The following DCC variants were observed in gnomAD, a reference collection of about 807,000 sequenced individuals.
DCC encodes netrin receptor DCC.
DCC carries 58 observed loss-of-function variants against 172.5 expected under a neutral mutation model. The ratio of observed to expected loss-of-function variants is 0.34; its 90% confidence interval spans 0.27 to 0.42. DCC has a LOEUF of 0.42. DCC is among the 10% of genes least tolerant of loss of function. The pLI, the probability that DCC is intolerant of heterozygous loss-of-function variation, is 1.00. For missense variants in DCC, 1,740 were observed against 1,791.0 expected (o/e 0.97, Z 0.51); for synonymous variants, 709 against 644.5 (o/e 1.10, Z -1.52).
At chr18:52,828,510 C>A (rs997909255) in intron 2 of DCC, among the ~76,000 whole-genome samples, 1 of 151,780 alleles carries the variant, frequency 6.6e-6, no homozygotes, top group Non-Finnish European at 1.5e-5. Flanking sequence ...TTAAAGATAC[C>A]GAAAGTCTCC....
intron 1 of DCC, among the ~76,000 whole-genome samples, chr18:52,495,875 T>TC (rs2030727140): frequency 6.6e-6 from 1 of 151,970 alleles, no homozygotes; most frequent in Non-Finnish European, 1.5e-5. Flanking sequence ...ACCCTGGCTG[T>TC]CCGATGCAAT....
intron 2 of DCC, among the ~76,000 whole-genome samples, chr18:52,879,412 C>CCTTTTTTTTTTTT (rs2039447955): frequency 3.2e-5 from 2 of 62,356 alleles, no homozygotes; most frequent in African/African-American, 6.9e-5. Context: ...TGTTGTTTGG[C>CCTTTTTTTTTTTT]TTTTTTTTTT....
At chr18:53,413,884 C>T (rs527436929) in intron 20 of DCC, among the ~76,000 whole-genome samples, 1 of 152,270 alleles carries the variant, frequency 6.6e-6, no homozygotes, top group East Asian at 1.9e-4. Flanking sequence ...GTCATTCTTG[C>T]TGGGGACCTG....
intron 15 of DCC, among the ~76,000 whole-genome samples, chr18:53,357,469 G>T (rs1417608189): frequency 6.6e-6 from 1 of 152,028 alleles, no homozygotes; most frequent in African/African-American, 2.4e-5. Context: ...ATTTAAAATT[G>T]GAAAAATCAA....
intron 1 of DCC, among the ~76,000 whole-genome samples, chr18:52,749,504 T>C (rs974058949): frequency 6.6e-6 from 1 of 152,160 alleles, no homozygotes; most frequent in Non-Finnish European, 1.5e-5. Flanking sequence ...ATAAAACTAA[T>C]CACTAATGCA....
intron 5 of DCC, among the ~76,000 whole-genome samples, chr18:53,037,960 G>GT (rs2042118967): frequency 6.6e-6 from 1 of 151,860 alleles, no homozygotes; most frequent in Admixed American, 6.6e-5. Flanking sequence ...ATGAAAAAAC[G>GT]TAAGAACATT....
chr18:52,865,759 G>C (rs764887227), intron 2 of DCC, among the ~76,000 whole-genome samples: 1 of 152,032 alleles, frequency 6.6e-6, no homozygotes, highest in Non-Finnish European at 1.5e-5. Context: ...CCCTTTGTCA[G>C]ACAGATAGAT....
At chr18:52,557,786 A>C (rs1290911543) in intron 1 of DCC, among the ~76,000 whole-genome samples, 1 of 152,104 alleles carries the variant, frequency 6.6e-6, no homozygotes, top group Non-Finnish European at 1.5e-5. Flanking sequence ...CAGCCCCCCA[A>C]GTAGCTGGGA....
At chr18:52,739,543 A>G (rs1039377178) in intron 1 of DCC, among the ~76,000 whole-genome samples, 4 of 152,152 alleles carry the variant, frequency 2.6e-5, no homozygotes, top group African/African-American at 7.2e-5. Flanking sequence ...ATAAAGGGCT[A>G]TCACTTCTGA....
intron 5 of DCC, among the ~76,000 whole-genome samples, chr18:52,966,786 C>G (rs1191290135): frequency 6.6e-6 from 1 of 152,198 alleles, no homozygotes; most frequent in Non-Finnish European, 1.5e-5. Context: ...TGTTTCAAAT[C>G]TCTGGGTGTA....
Position 52,641,656 on chromosome 18 carries a change from C to T in DCC, c.92-110398C>T, listed in dbSNP as rs142098030. 1.3e-3 allele frequency among the ~76,000 whole-genome samples: 195 copies of T among 151,948 alleles called. 1 individual carries two copies. The highest frequency in any genetic ancestry group is 1.5e-3 in the Non-Finnish European group (103 of 67,952). On this transcript the variant is annotated intron_variant, in intron 1 of 28. Transcript: ENST00000442544. The stretch of plus-strand genomic sequence containing the variant: ...TGATCAGGGAAATGCAAATCAAAAC[C>T]ACAATGCAATACCACCTTATTCCTG...
At chr18:52,676,979 C>A (rs1327343316) in intron 1 of DCC, among the ~76,000 whole-genome samples, 1 of 151,780 alleles carries the variant, frequency 6.6e-6, no homozygotes, top group Non-Finnish European at 1.5e-5. Context: ...TGTTTTTTTT[C>A]CCCCAAACTA....
chr18:52,484,007 T>C (rs1017514234), intron 1 of DCC, among the ~76,000 whole-genome samples: 2 of 152,124 alleles, frequency 1.3e-5, no homozygotes, highest in African/African-American at 2.4e-5. Context: ...TCTCTGAATG[T>C]TCCATTTTTG....
rs546325381 is a variant in DCC, at chr18:52,829,961, A to G, written c.413-76083A>G. On this transcript the variant is annotated intron_variant, in intron 2 of 28. Coordinates refer to ENST00000442544, the MANE Select transcript of DCC (RefSeq NM_005215.4). ...CAGGGAAGCACCCACTGAGAAGATG[A>G]CATTTGAGTGAAGATCTGCAGGAAG... 1.4e-4 allele frequency among the ~76,000 whole-genome samples: 21 copies of G among 152,286 alleles called. No individual in the cohort carries two copies. In the South Asian group the frequency reaches 4.4e-3, roughly 32 times the overall value.
intron 27 of DCC, among the ~76,000 whole-genome samples, chr18:53,513,493 G>T (rs1229288343): frequency 6.6e-6 from 1 of 152,138 alleles, no homozygotes. Flanking sequence ...TGGACTAAAT[G>T]CTCCAATTAA....
At chr18:52,512,404 G>A (rs1024977999) in intron 1 of DCC, among the ~76,000 whole-genome samples, 10 of 152,122 alleles carry the variant, frequency 6.6e-5, no homozygotes, top group Non-Finnish European at 1.0e-4. Flanking sequence ...AGGGTAAGAT[G>A]TTCAGTATCC....
intron 27 of DCC, among the ~76,000 whole-genome samples, chr18:53,503,371 C>G (rs2046128455): frequency 1.3e-5 from 2 of 152,030 alleles, no homozygotes; most frequent in African/African-American, 4.8e-5. Context: ...TATGGTGTTT[C>G]TTACAATTTC....
intron 1 of DCC, among the ~76,000 whole-genome samples, chr18:52,670,765 T>C (rs1050768098): frequency 1.3e-5 from 2 of 151,870 alleles, no homozygotes; most frequent in African/African-American, 4.8e-5. Flanking sequence ...ATTTGAACCC[T>C]GGAAGCGGAG....
At chr18:53,408,265 T>G (rs954698994) in intron 19 of DCC, among the ~76,000 whole-genome samples, 1 of 152,164 alleles carries the variant, frequency 6.6e-6, no homozygotes, top group Non-Finnish European at 1.5e-5. Flanking sequence ...ATGGTTTTTG[T>G]GAGTCTGGAA....
Sources: allele counts gnomAD v4.1 joint callset (sites outside exome capture counted in the v4.1 genomes callset), GRCh38; gene constraint gnomAD v4.1.1; transcripts MANE v1.5; gene names NCBI Gene and HGNC (gene_info 2026-07-23, HGNC 2026-07-21).